FBXO15: variants seen among roughly 807,000 people sequenced by gnomAD.
The protein encoded by FBXO15 is F-box only protein 15.
A neutral mutation model predicts 49.5 loss-of-function variants in FBXO15; 30 were observed. The observed-to-expected ratio is 0.61, with a 90% confidence interval of 0.45 to 0.82. FBXO15 has a LOEUF of 0.82. Among genes scored for constraint, FBXO15 ranks in the 40% least tolerant of loss-of-function variants. FBXO15 has a pLI of 0.00. For missense variants in FBXO15, 591 were observed against 631.5 expected (o/e 0.94, Z 0.69); for synonymous variants, 250 against 232.7 (o/e 1.07, Z -0.68).
intron 2 of FBXO15, among the ~76,000 whole-genome samples, chr18:74,136,101 C>A (rs571037449): frequency 5.3e-5 from 8 of 152,322 alleles, no homozygotes; most frequent in African/African-American, 1.9e-4. Context: ...GAAGAGCTAA[C>A]TTCCTCAGCA....
At chr18:74,102,308 A>T (rs147282612) in intron 8 of FBXO15, among the ~76,000 whole-genome samples, 700 of 152,318 alleles carry the variant, frequency 4.6e-3, no homozygotes, top group Non-Finnish European at 8.6e-3. Context: ...ATGAATAGAT[A>T]ATTCTCAAAA....
rs80326252 is a variant in FBXO15 at position 74,125,957 on chromosome 18, C to T, written c.912+18G>A. ...TGATGGGGAAATGACACAGTACATA[C>T]AGGGACTCAAGTCTTACCTTCCACA... On this transcript the variant is annotated intron_variant, in intron 6 of 9. Transcript: ENST00000419743. 101 of 1,613,436 alleles carry T rather than the reference C, an allele frequency of 6.3e-5. No homozygotes were observed. The East Asian group carries it at 2.0e-3, about 32-fold the overall frequency.
At chr18:74,105,503 G>A (rs1913714127) in intron 8 of FBXO15, among the ~76,000 whole-genome samples, 1 of 152,006 alleles carries the variant, frequency 6.6e-6, no homozygotes, top group Non-Finnish European at 1.5e-5. Context: ...GCAGTTGCAT[G>A]ATCTTGGCTC....
chr18:74,118,449 T>TATA (rs1599167225), intron 8 of FBXO15, among the ~76,000 whole-genome samples: 1 of 151,730 alleles, frequency 6.6e-6, no homozygotes, highest in East Asian at 2.0e-4. Flanking sequence ...CACACACATG[T>TATA]TGTATAAACA....
intron 8 of FBXO15, among the ~76,000 whole-genome samples, chr18:74,103,417 C>T (rs1431915973): frequency 6.6e-6 from 1 of 151,016 alleles, no homozygotes; most frequent in African/African-American, 2.4e-5. Flanking sequence ...TATTGGTGTT[C>T]GATTGAAAGT....
chr18:74,136,522 T>C (rs1978735401), intron 2 of FBXO15, among the ~76,000 whole-genome samples: 1 of 152,100 alleles, frequency 6.6e-6, no homozygotes, highest in South Asian at 2.1e-4. Context: ...TAGCAGCTTA[T>C]TCCCACCTCG....
chr18:74,127,632 G>A (rs1382241415), intron 5 of FBXO15, among the ~76,000 whole-genome samples: 7 of 152,126 alleles, frequency 4.6e-5, no homozygotes, highest in Admixed American at 6.6e-5. Context: ...TAAAAGTGCC[G>A]ATCAAAACAA....
intron 1 of FBXO15, among the ~76,000 whole-genome samples, chr18:74,141,932 TC>T (rs201769540): frequency 0.018 from 2,751 of 152,310 alleles, 31 homozygotes; most frequent in Non-Finnish European, 0.028. Flanking sequence ...TGAATTTTTC[TC>T]TCTAGAAAAA....
rs142675433 is a variant in FBXO15, at chr18:74,132,951, G to A, written c.333-2293C>T. ...GGGATGGGGCACTGGGGAGCCCCCTGCCCTTCAAGTGTGCCTGCCCATAAG... is the reference window on the plus strand; with the variant it reads ...GGGATGGGGCACTGGGGAGCCCCCTACCCTTCAAGTGTGCCTGCCCATAAG... On this transcript the variant is annotated intron_variant, in intron 3 of 9. Coordinates refer to ENST00000419743, the MANE Select transcript of FBXO15 (RefSeq NM_001142958.2). 4.5e-3 allele frequency among the ~76,000 whole-genome samples: 679 copies of A among 152,304 alleles called. 6 individuals are homozygous for A. Among genetic ancestry groups the A allele is most frequent in the African/African-American group, 0.016 (648 of 41,560 alleles).
chr18:74,083,505 C>A (rs1210630721), intron 8 of FBXO15, among the ~76,000 whole-genome samples: 1 of 152,222 alleles, frequency 6.6e-6, no homozygotes, highest in Non-Finnish European at 1.5e-5. Flanking sequence ...CAAAGGCAGG[C>A]AGCCGACGGC....
chr18:74,116,044 T>C (rs771032377), intron 8 of FBXO15, among the ~76,000 whole-genome samples: 20 of 152,238 alleles, frequency 1.3e-4, no homozygotes, highest in Non-Finnish European at 2.6e-4. Flanking sequence ...ATCTGTCTTA[T>C]GCATTTCTCT....
chr18:74,132,577 A>C (rs1978460935), intron 3 of FBXO15, among the ~76,000 whole-genome samples: 1 of 152,216 alleles, frequency 6.6e-6, no homozygotes, highest in South Asian at 2.1e-4. Flanking sequence ...TTTATATTGC[A>C]GATGGTTCCC....
chr18:74,119,474 G>C (rs773058943), intron 8 of FBXO15, among the ~76,000 whole-genome samples: 1 of 152,196 alleles, frequency 6.6e-6, no homozygotes, highest in South Asian at 2.1e-4. Flanking sequence ...AGTAAACTCA[G>C]TGTGATAGAC....
intron 6 of FBXO15, among the ~76,000 whole-genome samples, chr18:74,125,586 T>C (rs901443999): frequency 1.3e-5 from 2 of 152,108 alleles, no homozygotes; most frequent in Non-Finnish European, 2.9e-5. Context: ...ACAAGCGTGC[T>C]GAACACATAG....
chr18:74,105,155 G>A (rs1348312895), intron 8 of FBXO15, among the ~76,000 whole-genome samples: 1 of 152,100 alleles, frequency 6.6e-6, no homozygotes, highest in Non-Finnish European at 1.5e-5. Flanking sequence ...ATTACTGGAG[G>A]CAAGGAAGGA....
In FBXO15 at chr18:74,147,762, G is replaced by A. The variant is rs1409885658; in HGVS notation, c.24C>T (p.Ile8=). The part of the protein sequence containing the change: MATGRGR[I]LQQHWLGLQT... ...GGAGGCCGAGCCAGTGCTGCTGCAAGATCCGACCGCGTCCAGTCGCCATAG... is the reference window on the plus strand; with the variant it reads ...GGAGGCCGAGCCAGTGCTGCTGCAAAATCCGACCGCGTCCAGTCGCCATAG... Residue 8 remains isoleucine, a synonymous_variant, in exon 1 of 10, where the codon ATC becomes ATT. Coordinates refer to ENST00000419743, the MANE Select transcript of FBXO15 (RefSeq NM_001142958.2). The A allele has an allele frequency of 6.5e-7, 1 of 1,535,462 alleles. No homozygotes were observed. Among genetic ancestry groups the A allele is most frequent in the Non-Finnish European group, 8.8e-7 (1 of 1,142,666 alleles).
rs536581753 is a variant in FBXO15, at chr18:74,144,613, T to TG, written c.116+3056dup. On this transcript the variant is annotated intron_variant, in intron 1 of 9. Coordinates refer to ENST00000419743, the MANE Select transcript of FBXO15 (RefSeq NM_001142958.2). ...CAAAATTTCTTAGGAGTCTCCCAAT[T>TG]GATCTTAAAAATTAAAGCAAATACT... is the stretch of plus-strand genomic sequence containing the variant. 2.2e-4 allele frequency among the ~76,000 whole-genome samples: 34 copies of TG among 152,210 alleles called. No individual in the cohort carries two copies. In the East Asian group the frequency reaches 6.2e-3, roughly 28 times the overall value.
chr18:74,120,028 G>A (rs1914407830), intron 8 of FBXO15, among the ~76,000 whole-genome samples: 1 of 152,340 alleles, frequency 6.6e-6, no homozygotes, highest in East Asian at 1.9e-4. Flanking sequence ...CAGCCATGGA[G>A]AGCAGAGACT....
intron 8 of FBXO15, among the ~76,000 whole-genome samples, chr18:74,110,336 G>T (rs1225590702): frequency 6.6e-6 from 1 of 151,622 alleles, no homozygotes; most frequent in Non-Finnish European, 1.5e-5. Flanking sequence ...ATTTGAAAGT[G>T]AAACTGGATT....
Sources: gnomAD v4.1 joint callset for allele counts (sites outside exome capture counted in the v4.1 genomes callset) on GRCh38, gnomAD v4.1.1 for gene constraint, MANE v1.5 for transcripts, NCBI Gene and HGNC (gene_info 2026-07-23, HGNC 2026-07-21) for gene names.